ADGRL2: variants seen among roughly 807,000 people sequenced by gnomAD.
The protein encoded by ADGRL2 is calcium-independent alpha-latrotoxin receptor 2.
Under a neutral mutation model 157.4 loss-of-function variants are expected in ADGRL2, and 44 were observed. The ratio of observed to expected loss-of-function variants is 0.28; its 90% CI spans 0.22 to 0.36. The LOEUF (loss-of-function observed/expected upper bound fraction) is 0.36. Among genes scored for constraint, ADGRL2 ranks in the 10% least tolerant of loss-of-function variants. ADGRL2 has a pLI of 1.00. For synonymous variants in ADGRL2, 585 were observed against 624.7 expected (o/e 0.94, Z 0.95); for missense variants, 1,510 against 1,768.9 (o/e 0.85, Z 2.63).
intron 2 of ADGRL2, among the ~76,000 whole-genome samples, chr1:81,504,119 G>A (rs1008594533): frequency 6.6e-6 from 1 of 152,194 alleles, no homozygotes; most frequent in Non-Finnish European, 1.5e-5. Flanking sequence ...GGCCCACAGG[G>A]CATCTGCTGA....
At chr1:81,555,333 A>G (rs1216585705) in intron 2 of ADGRL2, among the ~76,000 whole-genome samples, 1 of 141,074 alleles carries the variant, frequency 7.1e-6, no homozygotes, top group Non-Finnish European at 1.5e-5. Flanking sequence ...AAATGGCATG[A>G]TCCTGGCTCA....
At chr1:81,356,877 C>A (rs1054469649) in intron 1 of ADGRL2, among the ~76,000 whole-genome samples, 1 of 137,214 alleles carries the variant, frequency 7.3e-6, no homozygotes, top group African/African-American at 2.7e-5. Flanking sequence ...GGCGTGAACC[C>A]GGGAGGCGGA....
chr1:81,306,328 G>A (rs1659336632), exon 1 of ADGRL2: 1 of 152,230 alleles, frequency 6.6e-6, no homozygotes, highest in African/African-American at 2.4e-5. Context: ...TTCACAGAGA[G>A]GACTCAGCTT....
upstream of ADGRL2, among the ~76,000 whole-genome samples, chr1:81,696,569 G>A (rs1033271038): frequency 8.5e-5 from 13 of 152,098 alleles, no homozygotes; most frequent in African/African-American, 3.1e-4. Flanking sequence ...TGGCTAACAC[G>A]GTGAAACCCC....
chr1:81,955,543 C>T (rs1479364126), intron 10 of ADGRL2, among the ~76,000 whole-genome samples: 4 of 152,102 alleles, frequency 2.6e-5, no homozygotes, highest in African/African-American at 9.7e-5. Context: ...TTTGACTCTA[C>T]CTGTAAGAGT....
At chr1:81,629,237 C>G (rs1452318424) in intron 3 of ADGRL2, among the ~76,000 whole-genome samples, 1 of 152,104 alleles carries the variant, frequency 6.6e-6, no homozygotes, top group Non-Finnish European at 1.5e-5. Flanking sequence ...TCCTAACAGC[C>G]TTCAAAGAGG....
At chr1:81,714,669 C>T (rs1443783057) in intron 1 of ADGRL2, among the ~76,000 whole-genome samples, 1 of 152,090 alleles carries the variant, frequency 6.6e-6, no homozygotes, top group Non-Finnish European at 1.5e-5. Context: ...GAATGTGGTA[C>T]TTACTATGTG....
chr1:81,623,106 G>A (rs1045893082), intron 3 of ADGRL2, among the ~76,000 whole-genome samples: 1 of 152,074 alleles, frequency 6.6e-6, no homozygotes, highest in African/African-American at 2.4e-5. Flanking sequence ...ATTCTTTATT[G>A]CTCTAAGCTT....
chr1:81,865,188 T>A (rs980168561), intron 2 of ADGRL2, among the ~76,000 whole-genome samples: 7 of 152,202 alleles, frequency 4.6e-5, no homozygotes, highest in African/African-American at 1.7e-4. Context: ...TTCCCAAAGC[T>A]GTAACCTTAT....
At chr1:81,578,535 C>T (rs774812271) in intron 2 of ADGRL2, among the ~76,000 whole-genome samples, 1 of 152,140 alleles carries the variant, frequency 6.6e-6, no homozygotes, top group Non-Finnish European at 1.5e-5. Flanking sequence ...GATGCTTCCA[C>T]CACCTAATTT....
intron 1 of ADGRL2, among the ~76,000 whole-genome samples, chr1:81,747,217 G>GTATATATGTATATATACA (rs552104487): frequency 5.5e-5 from 8 of 146,362 alleles, no homozygotes; most frequent in East Asian, 2.0e-4. Context: ...ATGTATGTGT[G>GTATATATGTATATATACA]TATATATGTA....
chr1:81,645,362 A>G (rs544985208), intron 3 of ADGRL2, among the ~76,000 whole-genome samples: 2 of 141,082 alleles, frequency 1.4e-5, no homozygotes, highest in African/African-American at 5.2e-5. Context: ...ACTGCATTCC[A>G]TTCCAGCCTG....
intron 1 of ADGRL2, among the ~76,000 whole-genome samples, chr1:81,803,195 G>A (rs2088560926): frequency 6.6e-6 from 1 of 152,062 alleles, no homozygotes; most frequent in South Asian, 2.1e-4. Flanking sequence ...CGAGGGAAGG[G>A]GAGACCCCCG....
At chr1:81,822,268 A>C (rs1366739574) in intron 1 of ADGRL2, among the ~76,000 whole-genome samples, 1 of 151,848 alleles carries the variant, frequency 6.6e-6, no homozygotes, top group Non-Finnish European at 1.5e-5. Flanking sequence ...CACTGTTAAG[A>C]GGATATTGCT....
intron 3 of ADGRL2, among the ~76,000 whole-genome samples, chr1:81,918,847 T>C (rs553461086): frequency 1.3e-5 from 2 of 152,316 alleles, no homozygotes; most frequent in African/African-American, 4.8e-5. Context: ...ATTTTGTTGG[T>C]TGTGGTTCTT....
At chr1:81,762,815 G>A (rs2085933801) in intron 2 of ADGRL2, among the ~76,000 whole-genome samples, 1 of 152,088 alleles carries the variant, frequency 6.6e-6, no homozygotes, top group African/African-American at 2.4e-5. Flanking sequence ...CACTTTGAGA[G>A]GCCGAGGCAG....
intron 1 of ADGRL2, among the ~76,000 whole-genome samples, chr1:81,812,304 T>G (rs1179105646): frequency 2.6e-5 from 4 of 151,794 alleles, no homozygotes; most frequent in African/African-American, 9.7e-5. Flanking sequence ...ATATTTTTTA[T>G]TTTTGTTTGA....
intron 1 of ADGRL2, chr1:81,444,957 T>G (rs41292972): frequency 6.6e-6 from 1 of 152,238 alleles, no homozygotes; most frequent in African/African-American, 2.4e-5. Context: ...TAATGCATTT[T>G]CAATTTCATT....
intron 2 of ADGRL2, among the ~76,000 whole-genome samples, chr1:81,538,554 T>C (rs1339677394): frequency 2.0e-5 from 3 of 152,138 alleles, no homozygotes; most frequent in Non-Finnish European, 4.4e-5. Flanking sequence ...GAAGACAAAA[T>C]AGAGTAGTGA....
Sources: allele counts gnomAD v4.1 joint callset (sites outside exome capture counted in the v4.1 genomes callset), GRCh38; gene constraint gnomAD v4.1.1; transcripts MANE v1.5; gene names NCBI Gene and HGNC (gene_info 2026-07-23, HGNC 2026-07-21).